The following FNBP1L variants were observed in gnomAD, a reference collection of about 807,000 sequenced individuals.
The protein encoded by FNBP1L is formin-binding protein 1-like.
Under a neutral mutation model 91.2 loss-of-function variants are expected in FNBP1L, and 36 were observed. That is an observed-to-expected ratio of 0.39 (90% CI 0.30 to 0.52). FNBP1L has a LOEUF of 0.52. Among genes scored for constraint, FNBP1L ranks in the 20% least tolerant of loss-of-function variants. FNBP1L has a pLI of 0.66. For missense variants in FNBP1L, 571 were observed against 732.1 expected (o/e 0.78, Z 2.54); for synonymous variants, 242 against 237.0 (o/e 1.02, Z -0.19).
intron 2 of FNBP1L, among the ~76,000 whole-genome samples, chr1:93,501,106 G>A (rs1280878753): frequency 6.6e-6 from 1 of 152,146 alleles, no homozygotes; most frequent in East Asian, 1.9e-4. Context: ...ATTTTAATTT[G>A]ATCTCAATTT....
At position 93,534,697 on chromosome 1, in the gene FNBP1L, T is replaced by C. The variant is rs905304495; in HGVS notation, c.787-8T>C. On this transcript the variant is annotated splice_polypyrimidine_tract_variant and splice_region_variant and intron_variant, in intron 8 of 16. Transcript: ENST00000271234. The stretch of plus-strand genomic sequence containing the variant: ...AAACAGTTTTAAAACCTAGTTTCTT[T>C]TGTATAGGACTCTCAAATGGTGGTA... 14 of 1,547,140 alleles carry C rather than the reference T, an allele frequency of 9.0e-6. No homozygotes were observed. Among genetic ancestry groups the C allele is most frequent in the Non-Finnish European group, 1.2e-5 (14 of 1,143,574 alleles).
At chr1:93,493,697 T>C (rs974518675) in intron 1 of FNBP1L, among the ~76,000 whole-genome samples, 20 of 152,218 alleles carry the variant, frequency 1.3e-4, no homozygotes, top group African/African-American at 4.8e-4. Context: ...TGCCAGAATT[T>C]CCTTCCTTTT....
chr1:93,550,931 G>A lies in FNBP1L; in HGVS notation c.1652-16G>A, dbSNP rs767347310. 3 of 1,523,654 alleles carry A rather than the reference G, an allele frequency of 2.0e-6. No individual in the cohort carries two copies. Among genetic ancestry groups the A allele is most frequent in the Non-Finnish European group, 2.6e-6 (3 of 1,132,528 alleles). The allele number at this position is 1,523,654 out of a possible 1,614,324, so 94.4% of individuals were successfully genotyped here. The stretch of plus-strand genomic sequence containing the variant: ...ATCACAATGCTTAAATTATGCTTGT[G>A]AAAACTCTCATCTAGGACATAATGA... On this transcript the variant is annotated splice_polypyrimidine_tract_variant and intron_variant, in intron 15 of 16. Transcript: ENST00000271234.
intron 2 of FNBP1L, among the ~76,000 whole-genome samples, chr1:93,506,494 T>C (rs1670617523): frequency 6.6e-6 from 1 of 151,692 alleles, no homozygotes; most frequent in African/African-American, 2.4e-5. Flanking sequence ...ATTTGGGCCA[T>C]ATGTGTTAAT....
chr1:93,452,942 C>G (rs1395460065), intron 1 of FNBP1L, among the ~76,000 whole-genome samples: 1 of 152,134 alleles, frequency 6.6e-6, no homozygotes, highest in Non-Finnish European at 1.5e-5. Flanking sequence ...TGGCCCTGCC[C>G]TGACAAAAGG....
At chr1:93,481,907 C>T (rs1488850944) in intron 1 of FNBP1L, among the ~76,000 whole-genome samples, 2 of 152,156 alleles carry the variant, frequency 1.3e-5, no homozygotes, top group Admixed American at 6.5e-5. Context: ...CACCTGTAAT[C>T]CCAGCACTTT....
At chr1:93,551,434 A>T in intron 16 of FNBP1L, 1 of 1,006,488 alleles carries the variant, frequency 9.9e-7, no homozygotes, top group Non-Finnish European at 1.2e-6. Context: ...GCAGGAATTC[A>T]TGGATAGTAA....
intron 2 of FNBP1L, among the ~76,000 whole-genome samples, chr1:93,510,435 A>G (rs1670792309): frequency 1.3e-5 from 2 of 152,184 alleles, no homozygotes; most frequent in South Asian, 2.1e-4. Flanking sequence ...CAGAAAGGAC[A>G]TCCACACCAA....
intron 1 of FNBP1L, among the ~76,000 whole-genome samples, chr1:93,460,759 G>A (rs1173518165): frequency 6.6e-6 from 1 of 152,200 alleles, no homozygotes. Context: ...CAAAATGGTC[G>A]TAACCAGAGG....
intron 1 of FNBP1L, among the ~76,000 whole-genome samples, chr1:93,478,482 G>A (rs996544980): frequency 6.6e-6 from 1 of 152,166 alleles, no homozygotes; most frequent in African/African-American, 2.4e-5. Flanking sequence ...GTGCAGGAGG[G>A]CAGCCAGCCT....
rs577270475 is a variant in FNBP1L at position 93,536,288 on chromosome 1, A to G, written c.991-44A>G. On this transcript the variant is annotated intron_variant, in intron 9 of 16. Coordinates refer to ENST00000271234, the MANE Select transcript of FNBP1L (RefSeq NM_001164473.3). The stretch of plus-strand genomic sequence containing the variant: ...TAGAATTTTCATTTAGGAGAAAACT[A>G]TGCACATTTGGCTTATTGATTCCTT... 15 of 1,334,446 alleles carry G rather than the reference A, an allele frequency of 1.1e-5. 1 individual carries two copies. In the South Asian group the frequency reaches 1.3e-4, roughly 11 times the overall value. 82.7% of individuals were successfully genotyped at this position (1,334,446 alleles called of 1,614,324 possible). A position where few individuals can be genotyped will look rare whatever the true frequency, so the allele number is the denominator to read the frequency against.
At chr1:93,507,511 G>A (rs1196308780) in intron 2 of FNBP1L, among the ~76,000 whole-genome samples, 1 of 152,246 alleles carries the variant, frequency 6.6e-6, no homozygotes, top group Admixed American at 6.5e-5. Flanking sequence ...AAACTGCAAA[G>A]CAGGGATTTG....
At chr1:93,501,615 C>T (rs961235329) in intron 2 of FNBP1L, among the ~76,000 whole-genome samples, 15 of 152,136 alleles carry the variant, frequency 9.9e-5, no homozygotes, top group Admixed American at 6.6e-4. Context: ...CCCTATCTCC[C>T]AACACCACCA....
intron 8 of FNBP1L, among the ~76,000 whole-genome samples, chr1:93,533,294 TC>T (rs1442991327): frequency 2.0e-5 from 3 of 152,072 alleles, no homozygotes; most frequent in African/African-American, 4.8e-5. Context: ...AACTCTCTTC[TC>T]CCACTAAGTT....
chr1:93,473,891 G>GTAGGCAGA (rs1343702636), intron 1 of FNBP1L, among the ~76,000 whole-genome samples: 1 of 152,194 alleles, frequency 6.6e-6, no homozygotes, highest in East Asian at 1.9e-4. Context: ...AGCAGTAGCT[G>GTAGGCAGA]TAGGCAGAAA....
chr1:93,448,225 T>G lies in FNBP1L; in HGVS notation c.-57T>G, dbSNP rs945989700. Reference sequence around the variant, plus strand: ...CCAGCGAGTGAGAGGTCGGACAGACTGTGGAGCCGACAGACTGAAGGACAG... The same window carrying G: ...CCAGCGAGTGAGAGGTCGGACAGACGGTGGAGCCGACAGACTGAAGGACAG... On this transcript the variant is annotated 5_prime_UTR_variant, in exon 1 of 17. Transcript: ENST00000271234. 5 of 1,518,930 alleles carry G rather than the reference T, an allele frequency of 3.3e-6. No individual in the cohort carries two copies. The highest frequency in any genetic ancestry group is 4.4e-6 in the Non-Finnish European group (5 of 1,132,972). 94.1% of individuals were successfully genotyped at this position (1,518,930 alleles called of 1,614,324 possible).
At position 93,458,744 on chromosome 1, in the gene FNBP1L, A is replaced by C. The variant is rs140382047; in HGVS notation, c.24+10439A>C. ...CCTTCAGTTTTGCTTTTTGTGGTCAACTGTGGTCTGAAAATATTAAATGGA... is the reference window on the plus strand; with the variant it reads ...CCTTCAGTTTTGCTTTTTGTGGTCACCTGTGGTCTGAAAATATTAAATGGA... On this transcript the variant is annotated intron_variant, in intron 1 of 16. Transcript: ENST00000271234. Among the ~76,000 whole-genome samples, 5 of 152,364 alleles carry C rather than the reference A, an allele frequency of 3.3e-5. No individual in the cohort carries two copies. The East Asian group carries it at 9.6e-4, about 29-fold the overall frequency.
intron 1 of FNBP1L, among the ~76,000 whole-genome samples, chr1:93,455,204 C>T (rs1312818289): frequency 3.3e-5 from 5 of 152,088 alleles, no homozygotes; most frequent in Admixed American, 6.5e-5. Context: ...CTGGGATTAG[C>T]GGCGTGAGCC....
rs781672508 is a variant in FNBP1L at position 93,499,500 on chromosome 1, A to G, written c.57A>G (p.Gln19=). The G allele has an allele frequency of 2.5e-6, 4 of 1,604,790 alleles. No individual in the cohort carries two copies. Among genetic ancestry groups the G allele is most frequent in the Non-Finnish European group, 2.6e-6 (3 of 1,175,730 alleles). ...DQFDSLDKHT[Q]WGIDFLERYA... ...TCGACAGCTTAGACAAGCATACACA[A>G]TGGGGAATTGACTTCTTGGAAAGAT... Residue 19 remains glutamine (Q), a synonymous_variant, in exon 2 of 17, where the codon CAA becomes CAG. Transcript: ENST00000271234.
Sources: allele counts gnomAD v4.1 joint callset (sites outside exome capture counted in the v4.1 genomes callset), GRCh38; gene constraint gnomAD v4.1.1; transcripts MANE v1.5; gene names NCBI Gene and HGNC (gene_info 2026-07-23, HGNC 2026-07-21).